Variants in LRFN2 observed in about 807,000 individuals in gnomAD.
LRFN2 encodes the protein leucine-rich repeat and fibronectin type-III domain-containing protein 2.
In LRFN2, 18 loss-of-function variants were observed where a neutral mutation model predicts 37.3. That is an observed-to-expected ratio of 0.48 (90% CI 0.33 to 0.72). The LOEUF (loss-of-function observed/expected upper bound fraction) is 0.72, where lower values mean the gene tolerates loss of function less well. Ranked by LOEUF, LRFN2 falls within the 30% of genes least tolerant of loss-of-function variation. The pLI is 0.02. For missense variants in LRFN2, 1,006 were observed against 1,060.7 expected (o/e 0.95, Z 0.72); for synonymous variants, 556 against 466.6 (o/e 1.19, Z -2.47).
At chr6:40,422,082 A>T (rs1763240254) in intron 2 of LRFN2, among the ~76,000 whole-genome samples, 1 of 152,212 alleles carries the variant, frequency 6.6e-6, no homozygotes, top group African/African-American at 2.4e-5. Context: ...GGGTAAAAAA[A>T]ATGGCTCCAG....
chr6:40,553,336 C>T (rs1766812541), intron 1 of LRFN2, among the ~76,000 whole-genome samples: 1 of 152,106 alleles, frequency 6.6e-6, no homozygotes, highest in African/African-American at 2.4e-5. Flanking sequence ...CAAAACCTAC[C>T]CAGCAGAGGA....
At chr6:40,480,773 T>C (rs1006646962) in intron 1 of LRFN2, among the ~76,000 whole-genome samples, 3 of 152,186 alleles carry the variant, frequency 2.0e-5, no homozygotes, top group Admixed American at 6.6e-5. Flanking sequence ...TTAGGACTTA[T>C]CAATATTACA....
chr6:40,431,985 C>T lies in LRFN2; in HGVS notation c.1129G>A (p.Val377Ile), dbSNP rs143308770. 587 of 1,613,342 alleles carry T rather than the reference C, an allele frequency of 3.6e-4. 1 individual carries two copies. The highest frequency in any genetic ancestry group is 4.2e-4 in the Non-Finnish European group (498 of 1,180,024). Residue 377 changes from valine (V) to isoleucine (I), a missense_variant, in exon 2 of 3, where the codon GTC becomes ATC. Around this residue, in one of 4 missense-constraint regions of LRFN2, gnomAD observed 303 missense variants for 299.8 expected, o/e 1.01. Coordinates refer to ENST00000338305, the MANE Select transcript of LRFN2 (RefSeq NM_020737.3). ...EATAMVEVSI[V>I]QLPHLSNSTS... The stretch of plus-strand genomic sequence containing the variant: ...CTGTTGCTGAGGTGTGGCAGCTGGA[C>T]GATGGAGACCTCCACCATGGCCGTG...
At chr6:40,447,606 TATC>T (rs566564013) in intron 1 of LRFN2, among the ~76,000 whole-genome samples, 4 of 152,140 alleles carry the variant, frequency 2.6e-5, no homozygotes, top group African/African-American at 7.2e-5. Context: ...ACGTAGATGA[TATC>T]ATCATCATCA....
intron 1 of LRFN2, among the ~76,000 whole-genome samples, chr6:40,583,737 A>G (rs1767449053): frequency 2.0e-5 from 3 of 152,158 alleles, no homozygotes; most frequent in African/African-American, 4.8e-5. Flanking sequence ...GCTACTACAC[A>G]GATAGGACCC....
At chr6:40,565,716 C>A (rs1411212497) in intron 1 of LRFN2, among the ~76,000 whole-genome samples, 3 of 151,272 alleles carry the variant, frequency 2.0e-5, no homozygotes, top group East Asian at 1.9e-4. Flanking sequence ...CTTCCTTACA[C>A]CTTATACAAA....
chr6:40,395,686 C>T (rs1328752024), intron 2 of LRFN2, among the ~76,000 whole-genome samples: 2 of 152,240 alleles, frequency 1.3e-5, no homozygotes, highest in Admixed American at 6.5e-5. Context: ...TGCCAACTCA[C>T]TTAGGCCTAC....
At chr6:40,555,550 T>G (rs1766857525) in intron 1 of LRFN2, among the ~76,000 whole-genome samples, 1 of 152,196 alleles carries the variant, frequency 6.6e-6, no homozygotes, top group East Asian at 1.9e-4. Context: ...CACATGCCAC[T>G]GCTCCAGGGT....
chr6:40,532,388 A>G (rs1167691788), intron 1 of LRFN2, among the ~76,000 whole-genome samples: 1 of 152,242 alleles, frequency 6.6e-6, no homozygotes, highest in African/African-American at 2.4e-5. Context: ...TTCAATTTAT[A>G]TTTTACAAAA....
chr6:40,399,250 A>T (rs1368573984), intron 2 of LRFN2, among the ~76,000 whole-genome samples: 1 of 151,376 alleles, frequency 6.6e-6, no homozygotes, highest in African/African-American at 2.4e-5. Context: ...CCAGCCTTGG[A>T]TGGGGATGGG....
intron 1 of LRFN2, among the ~76,000 whole-genome samples, chr6:40,553,270 G>A (rs999268739): frequency 2.0e-5 from 3 of 152,078 alleles, no homozygotes; most frequent in Non-Finnish European, 4.4e-5. Context: ...AATGCAGATC[G>A]ACTTATTAAA....
At chr6:40,537,561 A>G (rs978910831) in intron 1 of LRFN2, among the ~76,000 whole-genome samples, 3 of 152,120 alleles carry the variant, frequency 2.0e-5, no homozygotes, top group Non-Finnish European at 2.9e-5. Flanking sequence ...TTCTCCAGGA[A>G]GCGTCCCTGA....
chr6:40,420,610 A>C (rs1234709784), intron 2 of LRFN2, among the ~76,000 whole-genome samples: 1 of 152,194 alleles, frequency 6.6e-6, no homozygotes. Context: ...CCTCCCCAAC[A>C]TCCATTCCCC....
intron 1 of LRFN2, among the ~76,000 whole-genome samples, chr6:40,543,303 G>A (rs77125239): frequency 0.026 from 4,018 of 152,298 alleles, 88 homozygotes; most frequent in Admixed American, 0.04. Flanking sequence ...TCTGGTTAGA[G>A]CCCAGGACAC....
chr6:40,531,476 A>C (rs961231296), intron 1 of LRFN2, among the ~76,000 whole-genome samples: 2 of 152,172 alleles, frequency 1.3e-5, no homozygotes, highest in Non-Finnish European at 2.9e-5. Flanking sequence ...AGGGTCACAA[A>C]GTATGCCTCA....
intron 1 of LRFN2, among the ~76,000 whole-genome samples, chr6:40,470,706 C>G (rs1180456685): frequency 6.6e-6 from 1 of 152,184 alleles, no homozygotes; most frequent in Non-Finnish European, 1.5e-5. Context: ...GTGAGCCCCT[C>G]TCACCCCAGG....
chr6:40,452,478 T>C (rs1234116059), intron 1 of LRFN2, among the ~76,000 whole-genome samples: 2 of 152,214 alleles, frequency 1.3e-5, no homozygotes, highest in South Asian at 2.1e-4. Context: ...TAGTGAGTCC[T>C]GAGCACTGCT....
At chr6:40,582,907 T>TA (rs1228226130) in intron 1 of LRFN2, among the ~76,000 whole-genome samples, 1 of 152,112 alleles carries the variant, frequency 6.6e-6, no homozygotes, top group Non-Finnish European at 1.5e-5. Context: ...CCCATCTTGA[T>TA]AAAATGGAGA....
intron 1 of LRFN2, among the ~76,000 whole-genome samples, chr6:40,497,365 C>T (rs1043709384): frequency 1.2e-4 from 19 of 152,102 alleles, no homozygotes; most frequent in African/African-American, 4.6e-4. Flanking sequence ...TCCTGCTCAC[C>T]CAGGCTCTAC....
Sources: allele counts gnomAD v4.1 joint callset (sites outside exome capture counted in the v4.1 genomes callset), GRCh38; gene constraint gnomAD v4.1.1; regional missense constraint gnomAD v4.1.1; transcripts MANE v1.5; gene names NCBI Gene and HGNC (gene_info 2026-07-23, HGNC 2026-07-21).